BMPER: variants seen among roughly 807,000 people sequenced by gnomAD.
BMPER encodes BMP binding endothelial regulator, also known as BMP-binding endothelial regulator protein.
BMPER carries 45 observed loss-of-function variants against 87.3 expected under a neutral mutation model. That is an observed-to-expected ratio of 0.52 (90% CI 0.41 to 0.66). The LOEUF is 0.66. Ranked by LOEUF, BMPER falls within the 30% of genes least tolerant of loss-of-function variation. BMPER has a pLI of 0.00. For missense variants in BMPER, 784 were observed against 867.5 expected, an observed-to-expected ratio of 0.90 and a Z score of 1.21; for synonymous variants, 326 against 316.2, an observed-to-expected ratio of 1.03 and a Z score of -0.33.
intron 6 of BMPER, among the ~76,000 whole-genome samples, chr7:33,979,468 C>G (rs142374735): frequency 1.3e-5 from 2 of 152,002 alleles, no homozygotes; most frequent in Admixed American, 6.6e-5. Context: ...CCTCCCTCCT[C>G]CTCTGTGCTT....
rs139831214 is a variant in BMPER at position 34,116,732 on chromosome 7, G to A, written c.1746-26498G>A. On this transcript the variant is annotated intron_variant, in intron 13 of 14. Coordinates refer to ENST00000649409, the MANE Select transcript of BMPER (RefSeq NM_001365308.1). ...TGGCTGGGCGCTGTGGCTCACGCCTGTAATCCCAGCACTTTGGGAGGCTGA... is the reference window on the plus strand; with the variant it reads ...TGGCTGGGCGCTGTGGCTCACGCCTATAATCCCAGCACTTTGGGAGGCTGA... 9.8e-3 allele frequency among the ~76,000 whole-genome samples: 1,494 copies of A among 152,356 alleles called. 27 individuals carry two copies. Among genetic ancestry groups the A allele is most frequent in the African/African-American group, 0.035 (1,457 of 41,574 alleles).
At chr7:33,996,013 T>C (rs888489463) in intron 6 of BMPER, among the ~76,000 whole-genome samples, 1 of 152,236 alleles carries the variant, frequency 6.6e-6, no homozygotes, top group Non-Finnish European at 1.5e-5. Context: ...GGATACTGCT[T>C]CTTGGCAAAC....
chr7:33,991,126 C>T (rs1786203627), intron 6 of BMPER, among the ~76,000 whole-genome samples: 1 of 146,592 alleles, frequency 6.8e-6, no homozygotes. Flanking sequence ...TGATGCTGGC[C>T]TCATAAAATG....
At chr7:34,001,575 T>G (rs1311561397) in intron 6 of BMPER, among the ~76,000 whole-genome samples, 2 of 151,666 alleles carry the variant, frequency 1.3e-5, no homozygotes, top group African/African-American at 4.8e-5. Context: ...TTTTTTTTTT[T>G]TTCTGTTCAG....
chr7:33,928,012 G>A lies in BMPER; in HGVS notation c.220-9277G>A, dbSNP rs79526027. Among the ~76,000 whole-genome samples, 1,161 of 152,320 alleles carry A rather than the reference G, an allele frequency of 7.6e-3. 20 individuals are homozygous for A. Among genetic ancestry groups the A allele is most frequent in the African/African-American group, 0.026 (1,064 of 41,558 alleles). On this transcript the variant is annotated intron_variant, in intron 2 of 14. Transcript: ENST00000649409. Reference sequence around the variant, plus strand: ...TGTTGAGGAAGCAGCCTGGCCTCCTGCGTGTGAAGCTGCATTGCTTTGCAG... The same window carrying A: ...TGTTGAGGAAGCAGCCTGGCCTCCTACGTGTGAAGCTGCATTGCTTTGCAG...
At chr7:33,937,465 T>G (rs1784632974) in intron 3 of BMPER, 77 bp downstream of exon 3, 1 of 1,474,216 alleles carries the variant, frequency 6.8e-7, no homozygotes, top group Admixed American at 1.8e-5. Context: ...CACCTTCCTT[T>G]TCACTCAGCT....
chr7:33,979,212 T>C (rs1785776410), intron 6 of BMPER, among the ~76,000 whole-genome samples: 1 of 152,032 alleles, frequency 6.6e-6, no homozygotes, highest in African/African-American at 2.4e-5. Flanking sequence ...ATACTAAACC[T>C]TTAGCTTTTT....
In BMPER at chr7:34,136,328, C is replaced by G. The variant is rs182276098; in HGVS notation, c.1746-6902C>G. Among the ~76,000 whole-genome samples the G allele has an allele frequency of 9.6e-4, 146 of 152,212 alleles. 2 individuals are homozygous for G. The highest frequency in any genetic ancestry group is 1.2e-3 in the Non-Finnish European group (79 of 68,018). On this transcript the variant is annotated intron_variant, in intron 13 of 14. Transcript: ENST00000649409. ...GGATAAGAATGAGTGTGTGAACGTG[C>G]CTGTATAGGGCTGAGGAAAAGAGCG...
In BMPER at chr7:33,933,717, T is replaced by G. The variant is rs79523739; in HGVS notation, c.220-3572T>G. Among the ~76,000 whole-genome samples, 5 of 152,236 alleles carry G rather than the reference T, an allele frequency of 3.3e-5. No homozygotes were observed. The East Asian group carries it at 9.7e-4, about 29-fold the overall frequency. Reference sequence around the variant, plus strand: ...GCCCCTGGAGTTGCTCTGCTTTCGTTAGAGAGTTCCTGTCTGGAGCCACCA... The same window carrying G: ...GCCCCTGGAGTTGCTCTGCTTTCGTGAGAGAGTTCCTGTCTGGAGCCACCA... On this transcript the variant is annotated intron_variant, in intron 2 of 14. Transcript: ENST00000649409.
intron 6 of BMPER, among the ~76,000 whole-genome samples, chr7:34,028,710 C>T (rs1244728453): frequency 7.5e-6 from 1 of 132,586 alleles, no homozygotes; most frequent in East Asian, 2.6e-4. Flanking sequence ...GGTCCTCAAT[C>T]TTGATGCTTC....
chr7:34,082,876 A>AT (rs150990826), intron 12 of BMPER, among the ~76,000 whole-genome samples: 5,009 of 152,218 alleles, frequency 0.033, 262 homozygotes, highest in African/African-American at 0.11. Flanking sequence ...AGTTTGGAAA[A>AT]TTTTGCAACA....
intron 2 of BMPER, among the ~76,000 whole-genome samples, chr7:33,925,135 A>G (rs894833302): frequency 6.6e-6 from 1 of 152,078 alleles, no homozygotes; most frequent in African/African-American, 2.4e-5. Context: ...TGGCCCTCCC[A>G]TGTTCATTTG....
intron 2 of BMPER, among the ~76,000 whole-genome samples, chr7:33,934,956 G>C (rs557046189): frequency 6.6e-6 from 1 of 152,138 alleles, no homozygotes; most frequent in South Asian, 2.1e-4. Context: ...CAAGAACTAC[G>C]CTTTTCAAAA....
chr7:34,019,054 A>G (rs1410249970), intron 6 of BMPER, among the ~76,000 whole-genome samples: 1 of 152,008 alleles, frequency 6.6e-6, no homozygotes, highest in Non-Finnish European at 1.5e-5. Context: ...AACCCCACAG[A>G]TGGATGACTT....
At chr7:33,995,530 C>G (rs555804513) in intron 6 of BMPER, among the ~76,000 whole-genome samples, 1 of 152,278 alleles carries the variant, frequency 6.6e-6, no homozygotes, top group African/African-American at 2.4e-5. Flanking sequence ...TCTTATATTC[C>G]TAAGCTCAGA....
At chr7:34,119,530 G>T (rs949745926) in intron 13 of BMPER, among the ~76,000 whole-genome samples, 3 of 152,134 alleles carry the variant, frequency 2.0e-5, no homozygotes, top group Non-Finnish European at 2.9e-5. Flanking sequence ...ATGCTATGTG[G>T]AACATCTTCA....
At chr7:33,954,072 C>A (rs551841943) in intron 3 of BMPER, among the ~76,000 whole-genome samples, 1 of 152,286 alleles carries the variant, frequency 6.6e-6, no homozygotes, top group Admixed American at 6.5e-5. Flanking sequence ...GTTGATTCCA[C>A]TGGGCATCTA....
At chr7:33,939,892 G>A in intron 3 of BMPER, 1 of 220,866 alleles carries the variant, frequency 4.5e-6, no homozygotes, top group Admixed American at 4.8e-5. Flanking sequence ...CTTTTCAGGG[G>A]CCCTGGGGTG....
chr7:34,111,636 A>C (rs1789965256), intron 13 of BMPER, among the ~76,000 whole-genome samples: 1 of 152,228 alleles, frequency 6.6e-6, no homozygotes, highest in South Asian at 2.1e-4. Context: ...TTTCAACCCT[A>C]TAAAAAGAAA....
Sources: gnomAD v4.1 joint callset for allele counts (sites outside exome capture counted in the v4.1 genomes callset) on GRCh38, gnomAD v4.1.1 for gene constraint, MANE v1.5 for transcripts, NCBI Gene and HGNC (gene_info 2026-07-23, HGNC 2026-07-21) for gene names.